COA1: variants seen among roughly 807,000 people sequenced by gnomAD.
The protein encoded by COA1 is cytochrome c oxidase assembly factor 1, also known as cytochrome c oxidase assembly factor 1 homolog.
COA1 carries 13 observed loss-of-function variants against 16.0 expected under a neutral mutation model. The ratio of observed to expected loss-of-function variants is 0.81; its 90% CI spans 0.53 to 1.29. The LOEUF is 1.29. Ranked by LOEUF, COA1 falls within the 50% of genes most tolerant of loss-of-function variation. The pLI, the probability that COA1 is intolerant of heterozygous loss-of-function variation, is 0.00. For synonymous variants in COA1, 65 were observed against 65.7 expected (o/e 0.99, Z 0.05); for missense variants, 179 against 177.0 (o/e 1.01, Z -0.06).
At chr7:43,691,252 AAAAGAAAGAAAGAAAAG>A (rs1403441845) in intron 1 of COA1, among the ~76,000 whole-genome samples, 6 of 65,430 alleles carry the variant, frequency 9.2e-5, no homozygotes, top group Non-Finnish European at 1.3e-4. Flanking sequence ...TTGACTCAAA[AAAAGAAAGAAAGAAAAG>A]AAAGAAAGAA....
At position 43,610,116 on chromosome 7, in the gene COA1, G is replaced by A. The variant is rs1466664613; in HGVS notation, c.*134-621C>T. On this transcript the variant is annotated intron_variant and NMD_transcript_variant, in intron 6 of 6. Transcript: ENST00000415076. Reference sequence around the variant, plus strand: ...AATCCCAGCACTTTGGGAGGCCGAGGTGGGCGGATCACAAGGTCAGGAGAT... The same window carrying A: ...AATCCCAGCACTTTGGGAGGCCGAGATGGGCGGATCACAAGGTCAGGAGAT... Among the ~76,000 whole-genome samples, 3 of 150,772 alleles carry A rather than the reference G, an allele frequency of 2.0e-5. No homozygotes were observed. The East Asian group carries it at 6.0e-4, about 30-fold the overall frequency.
intron 1 of COA1, among the ~76,000 whole-genome samples, chr7:43,669,370 G>C (rs1563318496): frequency 6.6e-6 from 1 of 152,096 alleles, no homozygotes; most frequent in Non-Finnish European, 1.5e-5. Flanking sequence ...GCAAATACAG[G>C]CCATTAGAAA....
rs374437466 is a variant in COA1 at position 43,650,075 on chromosome 7, A to C, written c.-38-1423T>G. On this transcript the variant is annotated intron_variant, in intron 1 of 5. Coordinates refer to ENST00000223336, the MANE Select transcript of COA1 (RefSeq NM_018224.4). ...GTGTAAAGCGCAGGAGAGAAGCCAC[A>C]GGAAGCATGTCCAGAAATGGAGGGG... 8 of 152,610 alleles carry C rather than the reference A, an allele frequency of 5.2e-5. No homozygotes were observed. In the East Asian group the frequency reaches 1.2e-3, roughly 22 times the overall value. 9.5% of individuals were successfully genotyped at this position (152,610 alleles called of 1,614,324 possible). A position where few individuals can be genotyped will look rare whatever the true frequency, so the allele number is the denominator to read the frequency against.
intron 4 of COA1, among the ~76,000 whole-genome samples, chr7:43,642,996 C>T (rs144315825): frequency 1.3e-5 from 2 of 152,182 alleles, no homozygotes; most frequent in East Asian, 3.8e-4. Context: ...AATTGGAAGG[C>T]GTGCACTGAG....
chr7:43,656,333 CTT>C (rs2091697133), intron 1 of COA1, among the ~76,000 whole-genome samples: 1 of 152,190 alleles, frequency 6.6e-6, no homozygotes, highest in Non-Finnish European at 1.5e-5. Flanking sequence ...CAAAGAAAGA[CTT>C]AAAAATAGAA....
intron 1 of COA1, among the ~76,000 whole-genome samples, chr7:43,712,203 C>T (rs2095272791): frequency 2.6e-5 from 4 of 152,058 alleles, no homozygotes; most frequent in African/African-American, 4.8e-5. Context: ...ACCTCCACCT[C>T]CCGGGTTCAA....
At chr7:43,679,435 A>G (rs1258704141) in intron 1 of COA1, among the ~76,000 whole-genome samples, 1 of 152,116 alleles carries the variant, frequency 6.6e-6, no homozygotes. Flanking sequence ...AAAGATTCTC[A>G]GGGTGACCAA....
downstream of COA1, among the ~76,000 whole-genome samples, chr7:43,636,732 G>A (rs2085938607): frequency 6.6e-6 from 1 of 152,240 alleles, no homozygotes. Context: ...AATAGGGAAT[G>A]TTTGCAGGCA....
At chr7:43,638,174 A>ATAAC (rs2086226315), downstream of COA1, among the ~76,000 whole-genome samples, 4 of 152,236 alleles carry the variant, frequency 2.6e-5, no homozygotes, top group South Asian at 8.3e-4. Context: ...CAGAATAGAG[A>ATAAC]TAACTTGTAA....
At chr7:43,624,373 C>G in intron 6 of COA1, 1 of 781,190 alleles carries the variant, frequency 1.3e-6, no homozygotes, top group Non-Finnish European at 1.9e-6. Context: ...AATTCCAAGA[C>G]TAATAGTTTT....
chr7:43,675,306 T>A (rs1163117596), intron 1 of COA1, among the ~76,000 whole-genome samples: 2 of 152,114 alleles, frequency 1.3e-5, no homozygotes, highest in East Asian at 1.9e-4. Flanking sequence ...CTGGAAACCA[T>A]CATTCTCAGC....
exon 7 of COA1, chr7:43,608,495 T>C: frequency 7.0e-7 from 1 of 1,428,708 alleles, no homozygotes; most frequent in Non-Finnish European, 9.5e-7. Flanking sequence ...TTCACGTTTG[T>C]GTATTATTAG....
intron 1 of COA1, among the ~76,000 whole-genome samples, chr7:43,657,788 C>G (rs905139291): frequency 6.6e-6 from 1 of 151,902 alleles, no homozygotes; most frequent in African/African-American, 2.4e-5. Flanking sequence ...CCAAAATATG[C>G]AAAGAACTTG....
intron 1 of COA1, chr7:43,711,257 T>C (rs1223728970): frequency 6.6e-6 from 1 of 152,028 alleles, no homozygotes; most frequent in East Asian, 1.9e-4. Flanking sequence ...TATACATATA[T>C]AAGAGAGCAT....
At chr7:43,609,621 T>C (rs1206044846) in intron 6 of COA1, 1 of 152,234 alleles carries the variant, frequency 6.6e-6, no homozygotes, top group East Asian at 1.9e-4. Context: ...ATGGTTACTT[T>C]CATATCAAGT....
chr7:43,686,766 G>A (rs868151568), intron 1 of COA1, among the ~76,000 whole-genome samples: 22 of 152,162 alleles, frequency 1.4e-4, no homozygotes, highest in African/African-American at 5.3e-4. Flanking sequence ...CAGGCACAAA[G>A]CTGTCAATTC....
chr7:43,729,004 A>G (rs1366633122), intron 1 of COA1, among the ~76,000 whole-genome samples: 3 of 152,196 alleles, frequency 2.0e-5, no homozygotes, highest in Non-Finnish European at 2.9e-5. Context: ...TGTGGTGGGG[A>G]CAAAAAGTAT....
chr7:43,691,404 GAAGGAAGGAAGA>G, intron 1 of COA1, among the ~76,000 whole-genome samples: 1 of 102,674 alleles, frequency 9.7e-6, no homozygotes, highest in Admixed American at 1.1e-4. Context: ...AGGAAGGAAG[GAAGGAAGGAAGA>G]AAGAAAAAGA....
intron 1 of COA1, among the ~76,000 whole-genome samples, chr7:43,717,171 A>T (rs2095412304): frequency 6.6e-6 from 1 of 152,186 alleles, no homozygotes. Flanking sequence ...CTGTGAGAAG[A>T]GGGCCACCAT....
Sources: allele counts gnomAD v4.1 joint callset (sites outside exome capture counted in the v4.1 genomes callset), GRCh38; gene constraint gnomAD v4.1.1; transcripts MANE v1.5; gene names NCBI Gene and HGNC (gene_info 2026-07-23, HGNC 2026-07-21).